The following UNC13B variants were observed in gnomAD, a reference collection of about 807,000 sequenced individuals.
The protein encoded by UNC13B is protein unc-13 homolog B.
Under a neutral mutation model 211.0 loss-of-function variants are expected in UNC13B, and 144 were observed. The observed-to-expected ratio is 0.68, with a 90% CI of 0.60 to 0.78. The LOEUF is 0.78. Among genes scored for constraint, UNC13B ranks in the 30% least tolerant of loss-of-function variants. The pLI is 0.00. For synonymous variants in UNC13B, 709 were observed against 725.8 expected, an observed-to-expected ratio of 0.98 and a Z score of 0.37; for missense variants, 1,777 against 2,002.0, an observed-to-expected ratio of 0.89 and a Z score of 2.14.
At chr9:35,295,559 C>T (rs1289667869) in intron 7 of UNC13B, 137 bp from the exon 8 acceptor site, 9 of 702,540 alleles carry the variant, frequency 1.3e-5, no homozygotes, top group Admixed American at 5.3e-5. Flanking sequence ...GCTCTGAGGT[C>T]GTCACTGGGC....
intron 1 of UNC13B, among the ~76,000 whole-genome samples, chr9:35,211,364 A>G (rs1252202408): frequency 6.6e-6 from 1 of 152,034 alleles, no homozygotes; most frequent in African/African-American, 2.4e-5. Context: ...TGTGTGTGTC[A>G]GGTCTTAAGT....
intron 31 of UNC13B, 28 bp downstream of exon 31, chr9:35,398,316 T>C (rs1267791043): frequency 6.2e-7 from 1 of 1,604,682 alleles, no homozygotes; most frequent in Non-Finnish European, 8.5e-7. Context: ...GGAGTCACTG[T>C]ATTTTCCCTT....
intron 14 of UNC13B, 22 bp downstream of exon 14, chr9:35,375,223 G>A (rs200303333): frequency 8.9e-5 from 144 of 1,613,172 alleles, no homozygotes; most frequent in Middle Eastern, 1.7e-4. Flanking sequence ...AAGTGCTTTC[G>A]TAAGTCCACT....
rs900399550 is a variant in UNC13B at position 35,306,908 on chromosome 9, T to A, written c.7504T>A (p.Ser2502Thr). 7.5e-6 allele frequency: 3 copies of A among 399,056 alleles called. No homozygotes were observed. Among genetic ancestry groups the A allele is most frequent in the Non-Finnish European group, 1.3e-5 (3 of 226,068 alleles). 24.7% of individuals were successfully genotyped at this position (399,056 alleles called of 1,614,324 possible). ...CTTTTTCTCTCTTGCTTCTGATGTA[T>A]CATCTCAGCCCCTCAAAGGTGAATT... The part of the protein sequence containing the change: ...NSFFSLASDV[S>T]SQPLKGELFG... The change falls in exon 9 of 40, where the codon TCA (serine) becomes ACA (threonine). Residue 2502 changes from serine to threonine, a missense_variant. Coordinates refer to ENST00000635942, the MANE Select transcript of UNC13B (RefSeq NM_001371189.2).
At chr9:35,364,720 T>G (rs1193184581) in intron 11 of UNC13B, among the ~76,000 whole-genome samples, 3 of 152,178 alleles carry the variant, frequency 2.0e-5, no homozygotes. Flanking sequence ...ATGCAGTCTA[T>G]TTTTCTGAAA....
chr9:35,274,629 T>C (rs977468590), intron 7 of UNC13B, among the ~76,000 whole-genome samples: 3 of 152,148 alleles, frequency 2.0e-5, no homozygotes, highest in African/African-American at 7.2e-5. Context: ...GGGGGACAAA[T>C]GCCAAAGATA....
chr9:35,397,451 G>A (rs2132353808), intron 29 of UNC13B, 141 bp downstream of exon 29: 2 of 1,400,070 alleles, frequency 1.4e-6, no homozygotes, highest in South Asian at 2.7e-5. Context: ...GGTTTCTGGG[G>A]CAGACAGATG....
At chr9:35,255,040 TTA>T (rs1159299928) in intron 6 of UNC13B, among the ~76,000 whole-genome samples, 3 of 119,228 alleles carry the variant, frequency 2.5e-5, no homozygotes, top group East Asian at 4.2e-4. Context: ...ATAATATATA[TTA>T]TATATAATAT....
intron 26 of UNC13B, among the ~76,000 whole-genome samples, chr9:35,393,395 T>C (rs915945136): frequency 6.6e-6 from 1 of 151,802 alleles, no homozygotes; most frequent in African/African-American, 2.4e-5. Flanking sequence ...CTACAGCATG[T>C]CCAAGACCTG....
chr9:35,170,663 G>A (rs544986428), intron 1 of UNC13B, among the ~76,000 whole-genome samples: 214 of 152,100 alleles, frequency 1.4e-3, no homozygotes, highest in Non-Finnish European at 2.2e-3. Context: ...TTAGAGATGG[G>A]GTCTTGCTAT....
chr9:35,307,298 A>T lies in UNC13B; in HGVS notation c.7894A>T (p.Met2632Leu). 1 of 399,036 alleles carries T rather than the reference A, an allele frequency of 2.5e-6. No individual in the cohort carries two copies. The highest frequency in any genetic ancestry group is 4.4e-5 in the Admixed American group (1 of 22,724). The allele number at this position is 399,036 out of a possible 1,614,324, so 24.7% of individuals were successfully genotyped here. Residue 2632 changes from methionine (M) to leucine (L), a missense_variant, in exon 9 of 40, where the codon ATG becomes TTG. Transcript: ENST00000635942. ...ATTGTCTCTGAGTGATGAAGGAGAC[A>T]TGGGGATATTGCAAGCTACAGACAC... ...GVLSLSDEGD[M>L]GILQATDTEA...
intron 17 of UNC13B, 30 bp downstream of exon 17, chr9:35,378,466 G>A (rs1183415158): frequency 6.2e-7 from 1 of 1,613,698 alleles, no homozygotes; most frequent in Non-Finnish European, 8.5e-7. Context: ...GTCTTACCTG[G>A]GACTGTGTGT....
rs746266458 is a variant in UNC13B at position 35,162,305 on chromosome 9, G to T, written c.22G>T (p.Val8Phe). The change falls in exon 1 of 40, where the codon GTT (valine) becomes TTT (phenylalanine). Residue 8 changes from valine (V) to phenylalanine (F), a missense_variant and splice_region_variant. By Grantham distance (50) the Val-to-Phe change is conservative. Transcript: ENST00000635942. Reference sequence around the variant, plus strand: ...GGCCATGTCACTGCTCTGCGTGCGCGGTGAGTGCGCGGACTGAGGCGGGGA... The same window carrying T: ...GGCCATGTCACTGCTCTGCGTGCGCTGTGAGTGCGCGGACTGAGGCGGGGA... MSLLCVR[V>F]KRAKFQGSPD... is the part of the protein sequence containing the mutation. The T allele has an allele frequency of 1.9e-6, 3 of 1,543,662 alleles. No individual in the cohort carries two copies. The highest frequency in any genetic ancestry group is 2.4e-5 in the South Asian group (2 of 84,382).
At chr9:35,398,529 C>A (rs1302333920) in intron 31 of UNC13B, 25 bp from the exon 32 acceptor site, 41 of 1,611,302 alleles carry the variant, frequency 2.5e-5, no homozygotes, top group Non-Finnish European at 3.4e-5. Flanking sequence ...AGCAGCCTAG[C>A]CAGGCTTACC....
intron 7 of UNC13B, among the ~76,000 whole-genome samples, chr9:35,283,508 C>T (rs1828623447): frequency 6.6e-6 from 1 of 152,044 alleles, no homozygotes. Context: ...ACCTCTTCAC[C>T]CCCTCTCCTC....
intron 7 of UNC13B, among the ~76,000 whole-genome samples, chr9:35,280,528 T>G (rs368910732): frequency 2.4e-4 from 37 of 152,160 alleles, no homozygotes; most frequent in African/African-American, 7.9e-4. Context: ...TTAGAGTGAG[T>G]GCACAGGGAG....
At chr9:35,315,185 C>T (rs1830390183) in intron 11 of UNC13B, among the ~76,000 whole-genome samples, 1 of 151,132 alleles carries the variant, frequency 6.6e-6, no homozygotes, top group Admixed American at 6.6e-5. Flanking sequence ...AGCCACTATA[C>T]TCAGCCCATA....
In UNC13B at chr9:35,183,909, C is replaced by T. The variant is rs1392552790; in HGVS notation, c.22+21604C>T. 6.2e-5 allele frequency among the ~76,000 whole-genome samples: 9 copies of T among 145,096 alleles called. No individual in the cohort carries two copies. The East Asian group carries it at 1.5e-3, about 24-fold the overall frequency. ...GTGGTGGCCGGGCAGAGACGCTCCT[C>T]GCCTCCAAGACGGGGTGGCGGCAGG... is the stretch of plus-strand genomic sequence containing the variant. On this transcript the variant is annotated intron_variant, in intron 1 of 39. Transcript: ENST00000635942.
At chr9:35,369,785 A>C (rs1482838273) in intron 12 of UNC13B, among the ~76,000 whole-genome samples, 1 of 152,158 alleles carries the variant, frequency 6.6e-6, no homozygotes. Context: ...GCTTTTCTTC[A>C]GGAGGCCTAG....
Sources: allele counts gnomAD v4.1 joint callset (sites outside exome capture counted in the v4.1 genomes callset), GRCh38; gene constraint gnomAD v4.1.1; transcripts MANE v1.5; gene names NCBI Gene and HGNC (gene_info 2026-07-23, HGNC 2026-07-21).